ADGRD1: variants seen among roughly 807,000 people sequenced by gnomAD.
The protein encoded by ADGRD1 is G-protein coupled receptor 133.
ADGRD1 carries 77 observed loss-of-function variants against 113.4 expected under a neutral mutation model. The ratio of observed to expected loss-of-function variants is 0.68; its 90% CI spans 0.57 to 0.82. The LOEUF is 0.82. Among genes scored for constraint, ADGRD1 ranks in the 40% least tolerant of loss-of-function variants. The probability of loss-of-function intolerance (pLI) is 0.00; values close to 1 mark genes in which losing one functional copy is unlikely to be tolerated. For missense variants in ADGRD1, 1,036 were observed against 1,139.1 expected, an observed-to-expected ratio of 0.91 and a Z score of 1.30; for synonymous variants, 474 against 475.0, an observed-to-expected ratio of 1.00 and a Z score of 0.03.
intron 4 of ADGRD1, chr12:130,977,626 G>A (rs1872482847): frequency 1.3e-5 from 2 of 152,402 alleles, no homozygotes; most frequent in Admixed American, 6.5e-5. Context: ...TGCTTTCCTG[G>A]TGTGGGAGCA....
chr12:131,123,368 T>C (rs74708354), intron 20 of ADGRD1, among the ~76,000 whole-genome samples: 2,366 of 151,770 alleles, frequency 0.016, 26 homozygotes, highest in Middle Eastern at 0.027. Context: ...AGAGTATTCC[T>C]GTCTAAGCTC....
chr12:130,997,923 T>C (rs1284889423), intron 8 of ADGRD1, among the ~76,000 whole-genome samples: 1 of 152,198 alleles, frequency 6.6e-6, no homozygotes, highest in Non-Finnish European at 1.5e-5. Flanking sequence ...CATTGAGCAC[T>C]GAGTGAACCA....
intron 21 of ADGRD1, 135 bp from the exon 22 acceptor site, chr12:131,135,901 GC>G: frequency 1.2e-6 from 1 of 832,092 alleles, no homozygotes; most frequent in Non-Finnish European, 1.9e-6. Flanking sequence ...AGGGCTACCT[GC>G]AGGGAGGACC....
At chr12:131,020,401 G>A (rs890574869) in intron 13 of ADGRD1, among the ~76,000 whole-genome samples, 4 of 152,146 alleles carry the variant, frequency 2.6e-5, no homozygotes, top group African/African-American at 9.7e-5. Context: ...CCCAAGCTCC[G>A]GCCAGGGCAG....
Position 131,018,121 on chromosome 12 carries a change from C to G in ADGRD1, c.1473+3781C>G, listed in dbSNP as rs1208481968. Among the ~76,000 whole-genome samples the G allele has an allele frequency of 2.6e-5, 4 of 152,176 alleles. No homozygotes were observed. The East Asian group carries it at 7.7e-4, about 29-fold the overall frequency. On this transcript the variant is annotated intron_variant, in intron 13 of 24. Coordinates refer to ENST00000261654, the MANE Select transcript of ADGRD1 (RefSeq NM_198827.5). ...ATTTGTTTTGTCTGGTATGGCTTCT[C>G]CCTCTCGTGCACAGAGCGGGTCTCC... is the stretch of plus-strand genomic sequence containing the variant.
At chr12:130,956,009 G>C (rs188778662) in intron 2 of ADGRD1, among the ~76,000 whole-genome samples, 59 of 152,296 alleles carry the variant, frequency 3.9e-4, no homozygotes, top group Admixed American at 3.2e-3. Flanking sequence ...GGCTGGTCTC[G>C]ATCTCCTGAC....
rs1299048039 is a variant in ADGRD1 at position 131,041,054 on chromosome 12, C to A, written c.1473+26714C>A. On this transcript the variant is annotated intron_variant, in intron 13 of 24. Transcript: ENST00000261654. This position sits in a 1 kb window ranked among gnomAD's most constrained non-coding sequence, Gnocchi z 4.4. ...CCACCTGGATGGTCCCTGGGGACAT[C>A]TGAGTTGTGACCTGTGGTGATGATG... Among the ~76,000 whole-genome samples, 1 of 152,198 alleles carries A rather than the reference C, an allele frequency of 6.6e-6. No homozygotes were observed. The highest frequency in any genetic ancestry group is 1.5e-5 in the Non-Finnish European group (1 of 68,040).
intron 8 of ADGRD1, among the ~76,000 whole-genome samples, chr12:130,998,448 C>T (rs2074193860): frequency 6.6e-6 from 1 of 151,890 alleles, no homozygotes; most frequent in South Asian, 2.1e-4. Context: ...TAGTTTCTTT[C>T]TTTTTTCTTT....
intron 4 of ADGRD1, among the ~76,000 whole-genome samples, chr12:130,980,058 C>T (rs896782781): frequency 3.3e-5 from 5 of 151,026 alleles, no homozygotes; most frequent in Admixed American, 1.3e-4. Flanking sequence ...TGCAGAACAG[C>T]GGTCGGGGTG....
chr12:130,966,556 C>T lies in ADGRD1; in HGVS notation c.187+10C>T, dbSNP rs1283810124. The T allele has an allele frequency of 5.7e-6, 9 of 1,575,830 alleles. No individual in the cohort carries two copies. The highest frequency in any genetic ancestry group is 5.0e-5 in the Admixed American group (3 of 59,948). On this transcript the variant is annotated intron_variant, in intron 3 of 24. Transcript: ENST00000261654. The surrounding 1 kb of genome is among the most constrained non-coding windows in gnomAD (Gnocchi z 4.6). ...CAGGATACAACTGGAGGTAGAGACG[C>T]GGGTGCTGAGAGCGGCTGTGGGCGC...
chr12:131,056,535 T>G (rs1159685970), intron 13 of ADGRD1, among the ~76,000 whole-genome samples: 2 of 152,256 alleles, frequency 1.3e-5, no homozygotes, highest in Non-Finnish European at 2.9e-5. Context: ...TTTCTTCCTC[T>G]GATACTGTGC....
At chr12:131,079,912 A>G (rs1358924242) in intron 14 of ADGRD1, among the ~76,000 whole-genome samples, 1 of 152,060 alleles carries the variant, frequency 6.6e-6, no homozygotes, top group Non-Finnish European at 1.5e-5. Context: ...ATATTTTTCC[A>G]AAGATATAAC....
intron 20 of ADGRD1, among the ~76,000 whole-genome samples, chr12:131,130,564 G>A (rs1262252857): frequency 6.6e-6 from 1 of 152,366 alleles, no homozygotes; most frequent in Non-Finnish European, 1.5e-5. Flanking sequence ...TGCGCGAGGA[G>A]GAAGGGGAAG....
chr12:131,042,979 CGCCCTGCG>C (rs1282985656), intron 13 of ADGRD1, among the ~76,000 whole-genome samples: 2 of 152,250 alleles, frequency 1.3e-5, no homozygotes, highest in Non-Finnish European at 2.9e-5. Flanking sequence ...CGGCCCTCCC[CGCCCTGCG>C]GCCCTGCCAA....
rs1455213915 is a variant in ADGRD1, at chr12:130,971,628, G to C, written c.310+48G>C. 6.4e-7 allele frequency: 1 copy of C among 1,561,578 alleles called. No homozygotes were observed. Among genetic ancestry groups the C allele is most frequent in the Non-Finnish European group, 8.7e-7 (1 of 1,151,898 alleles). On this transcript the variant is annotated intron_variant, in intron 4 of 24. Transcript: ENST00000261654. This position sits in a 1 kb window ranked among gnomAD's most constrained non-coding sequence, Gnocchi z 4.2. Reference sequence around the variant, plus strand: ...ATCTTTGTCAAGCATTTCATTCTCAGGGAGCACCTGCTCCTCTGGTGACTG... The same window carrying C: ...ATCTTTGTCAAGCATTTCATTCTCACGGAGCACCTGCTCCTCTGGTGACTG...
chr12:131,013,549 A>G (rs1185086267), intron 12 of ADGRD1, among the ~76,000 whole-genome samples: 1 of 152,138 alleles, frequency 6.6e-6, no homozygotes, highest in Non-Finnish European at 1.5e-5. Flanking sequence ...CCATGGCCTG[A>G]GGGCTGCGGT....
At chr12:131,079,598 T>C (rs1885909749) in intron 14 of ADGRD1, among the ~76,000 whole-genome samples, 1 of 152,244 alleles carries the variant, frequency 6.6e-6, no homozygotes, top group African/African-American at 2.4e-5. Context: ...TGAAGTCACC[T>C]GAGCCTTCAT....
At chr12:131,038,941 G>A (rs530876143) in intron 13 of ADGRD1, among the ~76,000 whole-genome samples, 5 of 152,352 alleles carry the variant, frequency 3.3e-5, no homozygotes, top group South Asian at 2.1e-4. Context: ...GGGTGGTTAC[G>A]GCCTCGAGTG....
At chr12:131,049,892 C>T (rs774307596) in intron 13 of ADGRD1, among the ~76,000 whole-genome samples, 38 of 152,174 alleles carry the variant, frequency 2.5e-4, no homozygotes, top group Non-Finnish European at 4.3e-4. Context: ...CTGGAGAGGG[C>T]GTCGGGGGAG....
Sources: gnomAD v4.1 joint callset for allele counts (sites outside exome capture counted in the v4.1 genomes callset) on GRCh38, gnomAD v4.1.1 for gene constraint, Gnocchi (gnomAD v3.1) non-coding constraint, MANE v1.5 for transcripts, NCBI Gene and HGNC (gene_info 2026-07-23, HGNC 2026-07-21) for gene names.